Variants in C8orf34 observed in about 807,000 individuals in gnomAD.
C8orf34 encodes uncharacterized protein C8orf34.
In C8orf34, 65 loss-of-function variants were observed where a neutral mutation model predicts 68.3. The observed-to-expected ratio is 0.95, with a 90% CI of 0.78 to 1.17. The LOEUF (loss-of-function observed/expected upper bound fraction) is 1.17, where lower values mean the gene tolerates loss of function less well. Among genes scored for constraint, C8orf34 ranks in the 50% most tolerant of loss-of-function variants. C8orf34 has a pLI of 0.00. For missense variants in C8orf34, 664 were observed against 655.4 expected, an observed-to-expected ratio of 1.01 and a Z score of -0.14; for synonymous variants, 244 against 241.2, an observed-to-expected ratio of 1.01 and a Z score of -0.11.
chr8:68,497,516 T>C (rs1287676150), intron 5 of C8orf34, among the ~76,000 whole-genome samples: 1 of 152,188 alleles, frequency 6.6e-6, no homozygotes, highest in Non-Finnish European at 1.5e-5. Flanking sequence ...TATGAATCTA[T>C]TCCAAAGACA....
chr8:68,600,926 C>G (rs1181345826), intron 7 of C8orf34, among the ~76,000 whole-genome samples: 2 of 152,188 alleles, frequency 1.3e-5, no homozygotes, highest in African/African-American at 4.8e-5. Flanking sequence ...CGCACACACA[C>G]TTCCCAGCCT....
chr8:68,783,602 C>G (rs1479001139), intron 11 of C8orf34, among the ~76,000 whole-genome samples: 1 of 150,998 alleles, frequency 6.6e-6, no homozygotes, highest in Non-Finnish European at 1.5e-5. Flanking sequence ...CAAAAGAATG[C>G]AACCTTTTGT....
intron 1 of C8orf34, among the ~76,000 whole-genome samples, chr8:68,385,157 G>T (rs989014004): frequency 6.6e-6 from 1 of 152,044 alleles, no homozygotes; most frequent in Non-Finnish European, 1.5e-5. Flanking sequence ...TGACAGTCAC[G>T]GTCTAAGCAC....
At chr8:68,674,781 G>A (rs960230831) in intron 8 of C8orf34, among the ~76,000 whole-genome samples, 7 of 152,006 alleles carry the variant, frequency 4.6e-5, no homozygotes, top group African/African-American at 7.3e-5. Context: ...CAATGTCCAC[G>A]TACAAGAAGG....
At chr8:68,797,711 C>T (rs2978245) in intron 12 of C8orf34, among the ~76,000 whole-genome samples, 86 of 151,948 alleles carry the variant, frequency 5.7e-4, no homozygotes, top group East Asian at 2.9e-3. Context: ...TAGCTAATGA[C>T]GACATGAAAG....
chr8:68,629,732 A>G (rs543259445), intron 7 of C8orf34, among the ~76,000 whole-genome samples: 1 of 152,206 alleles, frequency 6.6e-6, no homozygotes, highest in Non-Finnish European at 1.5e-5. Flanking sequence ...AAAGAAAAAG[A>G]TATTTTAAAA....
chr8:68,382,878 T>C (rs994609108), intron 1 of C8orf34, among the ~76,000 whole-genome samples: 4 of 152,230 alleles, frequency 2.6e-5, no homozygotes, highest in Admixed American at 6.5e-5. Context: ...ATTTATATCA[T>C]ATCTTCTGAT....
chr8:68,417,508 T>C (rs1285704298), intron 1 of C8orf34, among the ~76,000 whole-genome samples: 1 of 152,146 alleles, frequency 6.6e-6, no homozygotes, highest in Non-Finnish European at 1.5e-5. Flanking sequence ...AAAGGATATG[T>C]TATTAAATGA....
At chr8:68,628,237 T>A (rs935364783) in intron 7 of C8orf34, among the ~76,000 whole-genome samples, 1 of 152,170 alleles carries the variant, frequency 6.6e-6, no homozygotes, top group Non-Finnish European at 1.5e-5. Flanking sequence ...TATTTTGTTC[T>A]TATTATTTAT....
intron 7 of C8orf34, among the ~76,000 whole-genome samples, chr8:68,553,407 A>C (rs990294644): frequency 1.3e-5 from 2 of 151,376 alleles, no homozygotes; most frequent in Non-Finnish European, 2.9e-5. Flanking sequence ...AAAAAAAAAA[A>C]AAACATATCC....
At chr8:68,729,997 A>G (rs1295898632) in intron 10 of C8orf34, among the ~76,000 whole-genome samples, 1 of 152,146 alleles carries the variant, frequency 6.6e-6, no homozygotes, top group Admixed American at 6.5e-5. Flanking sequence ...ATTGGTTTAA[A>G]TAGTTGAGCA....
At chr8:68,756,473 G>C (rs575782843) in intron 10 of C8orf34, among the ~76,000 whole-genome samples, 2 of 152,076 alleles carry the variant, frequency 1.3e-5, no homozygotes, top group Non-Finnish European at 2.9e-5. Context: ...TCTGTTGATC[G>C]GAAGTGTATA....
At chr8:68,576,299 G>A (rs1425115580) in intron 7 of C8orf34, among the ~76,000 whole-genome samples, 2 of 151,398 alleles carry the variant, frequency 1.3e-5, no homozygotes, top group Non-Finnish European at 2.9e-5. Flanking sequence ...TGAGGATTTG[G>A]GACTTCAAAT....
rs191604087 is a variant in C8orf34 at position 68,732,464 on chromosome 8, G to A, written c.1404+11027G>A. On this transcript the variant is annotated intron_variant, in intron 10 of 13. Transcript: ENST00000518698. ...TTGTGTTCCTGGCCATATTTCTTTC[G>A]GAGAGTTTATTTTCCTATTGACTTG... Among the ~76,000 whole-genome samples, 352 of 151,696 alleles carry A rather than the reference G, an allele frequency of 2.3e-3. 1 individual carries two copies. The highest frequency in any genetic ancestry group is 5.1e-3 in the African/African-American group (211 of 41,382).
intron 2 of C8orf34, 96 bp downstream of exon 2, chr8:68,439,742 A>G: frequency 1.6e-6 from 2 of 1,244,168 alleles, no homozygotes; most frequent in African/African-American, 1.5e-5. Context: ...CTAGATAGAT[A>G]GTTACCAAAG....
chr8:68,729,259 C>T (rs1821915943), intron 10 of C8orf34, among the ~76,000 whole-genome samples: 1 of 152,168 alleles, frequency 6.6e-6, no homozygotes, highest in Non-Finnish European at 1.5e-5. Flanking sequence ...TCCTGTATTT[C>T]TATTCACTGA....
intron 1 of C8orf34, among the ~76,000 whole-genome samples, chr8:68,404,713 T>C (rs1018144072): frequency 8.5e-5 from 13 of 152,234 alleles, no homozygotes; most frequent in African/African-American, 2.7e-4. Flanking sequence ...CTAAGGCCTC[T>C]GTTCTTTTCC....
intron 7 of C8orf34, among the ~76,000 whole-genome samples, chr8:68,604,515 GACA>G (rs1326377699): frequency 2.0e-5 from 3 of 152,018 alleles, no homozygotes; most frequent in Non-Finnish European, 4.4e-5. Context: ...TATTTTTAAT[GACA>G]ACAATTTTCA....
chr8:68,518,754 G>T (rs1414436991), intron 5 of C8orf34, among the ~76,000 whole-genome samples: 1 of 151,948 alleles, frequency 6.6e-6, no homozygotes, highest in Non-Finnish European at 1.5e-5. Flanking sequence ...AAATTAGCTG[G>T]GCATGGTGGT....
Sources: gnomAD v4.1 joint callset for allele counts (sites outside exome capture counted in the v4.1 genomes callset) on GRCh38, gnomAD v4.1.1 for gene constraint, MANE v1.5 for transcripts, NCBI Gene and HGNC (gene_info 2026-07-23, HGNC 2026-07-21) for gene names.